ACTA2: variants seen among roughly 807,000 people sequenced by gnomAD.
ACTA2 encodes the protein actin alpha 2, smooth muscle, also known as actin, aortic smooth muscle.
In ACTA2, 12 loss-of-function variants were observed where a neutral mutation model predicts 39.5. The ratio of observed to expected loss-of-function variants is 0.30; its 90% confidence interval spans 0.19 to 0.49. The LOEUF (loss-of-function observed/expected upper bound fraction) is 0.49. Ranked by LOEUF, ACTA2 falls within the 20% of genes least tolerant of loss-of-function variation. ACTA2 has a pLI of 0.99. For synonymous variants in ACTA2, 158 were observed against 180.6 expected (o/e 0.88, Z 1.00); for missense variants, 236 against 498.8 (o/e 0.47, Z 5.02).
chr10:88,972,680 A>G (rs1846475184), intron 1 of ACTA2, among the ~76,000 whole-genome samples: 1 of 152,204 alleles, frequency 6.6e-6, no homozygotes, highest in African/African-American at 2.4e-5. Flanking sequence ...CTTCATGGAA[A>G]TTACTGTAAC....
At chr10:88,976,067 A>T (rs1282171396) in intron 1 of ACTA2, among the ~76,000 whole-genome samples, 2 of 152,222 alleles carry the variant, frequency 1.3e-5, no homozygotes, top group African/African-American at 4.8e-5. Context: ...CATTACTATT[A>T]TCAATTAGTT....
In ACTA2 at chr10:88,990,744, G is replaced by T. The variant is rs1847122132; in HGVS notation, c.-24+195C>A. The T allele has an allele frequency of 1.9e-6, 2 of 1,065,440 alleles. No individual in the cohort carries two copies. Among genetic ancestry groups the T allele is most frequent in the Admixed American group, 1.9e-5 (1 of 53,868 alleles). The allele number at this position is 1,065,440 out of a possible 1,614,324, so 66.0% of individuals were successfully genotyped here. A position where few individuals can be genotyped will look rare whatever the true frequency, so the allele number is the denominator to read the frequency against. Reference sequence around the variant, plus strand: ...GACTTGGCTGGAGCCTCAGGGGCGGGCACTGGCACGGAACACACCCTGAGG... The same window carrying T: ...GACTTGGCTGGAGCCTCAGGGGCGGTCACTGGCACGGAACACACCCTGAGG... On this transcript the variant is annotated intron_variant, in intron 1 of 4. Coordinates refer to the ACTA2 transcript ENST00000415557. The surrounding 1 kb of genome is among the most constrained non-coding windows in gnomAD (Gnocchi z 4.9).
chr10:88,954,444 T>C (rs1229630588), upstream of ACTA2, among the ~76,000 whole-genome samples: 1 of 152,198 alleles, frequency 6.6e-6, no homozygotes, highest in Non-Finnish European at 1.5e-5. Flanking sequence ...AATTCATTAA[T>C]TTTCATCACA....
chr10:88,987,006 A>C (rs1002829650), intron 1 of ACTA2, among the ~76,000 whole-genome samples: 9 of 152,190 alleles, frequency 5.9e-5, no homozygotes, highest in African/African-American at 2.2e-4. Flanking sequence ...TGTCTATATG[A>C]TTAGATTCAC....
chr10:88,951,827 A>T (rs545500207), intron 1 of ACTA2, among the ~76,000 whole-genome samples: 19 of 152,360 alleles, frequency 1.2e-4, no homozygotes, highest in Admixed American at 6.5e-4. Context: ...AACCATATTT[A>T]GTCATGAAAC....
At chr10:88,973,296 C>A (rs776167705) in intron 1 of ACTA2, 19 of 1,611,264 alleles carry the variant, frequency 1.2e-5, no homozygotes, top group Non-Finnish European at 1.5e-5. Context: ...GTCATCATCA[C>A]CATCTGAACA....
chr10:88,987,471 T>C (rs1341461211), intron 1 of ACTA2, among the ~76,000 whole-genome samples: 1 of 152,106 alleles, frequency 6.6e-6, no homozygotes, highest in African/African-American at 2.4e-5. Context: ...TCAGCATGGT[T>C]TCCTCTCAGT....
At chr10:88,976,956 C>T (rs544298873) in intron 1 of ACTA2, among the ~76,000 whole-genome samples, 1 of 152,214 alleles carries the variant, frequency 6.6e-6, no homozygotes, top group South Asian at 2.1e-4. Flanking sequence ...TAATTTTTGC[C>T]CACATTCCCC....
chr10:88,984,955 C>T (rs897329024), intron 1 of ACTA2, among the ~76,000 whole-genome samples: 2 of 152,098 alleles, frequency 1.3e-5, no homozygotes, highest in South Asian at 2.1e-4. Context: ...GCTCTCTAGC[C>T]TAGTGAGGAG....
chr10:88,969,302 C>CA (rs947114557), intron 1 of ACTA2, among the ~76,000 whole-genome samples: 9 of 151,540 alleles, frequency 5.9e-5, no homozygotes, highest in Admixed American at 2.0e-4. Flanking sequence ...AATTTTCCAT[C>CA]AAAAAAAAAT....
At chr10:88,955,085 T>C (rs969355372), upstream of ACTA2, among the ~76,000 whole-genome samples, 9 of 150,478 alleles carry the variant, frequency 6.0e-5, no homozygotes, top group African/African-American at 2.2e-4. Context: ...TTGGTTGCAG[T>C]TCAGGGACAC....
intron 1 of ACTA2, among the ~76,000 whole-genome samples, chr10:88,952,091 T>C (rs1846060298): frequency 6.6e-6 from 1 of 152,214 alleles, no homozygotes; most frequent in Non-Finnish European, 1.5e-5. Context: ...GGTCACCTGC[T>C]GCGCTCTGCT....
chr10:88,946,186 C>T (rs934899790), intron 3 of ACTA2, among the ~76,000 whole-genome samples: 6 of 151,668 alleles, frequency 4.0e-5, no homozygotes, highest in East Asian at 1.9e-4. Flanking sequence ...ACTGCAGCTT[C>T]GAACTCCTGG....
At chr10:88,941,499 TA>T (rs1039495261) in intron 5 of ACTA2, 109 bp from the exon 6 acceptor site, 17 of 1,427,116 alleles carry the variant, frequency 1.2e-5, no homozygotes, top group Non-Finnish European at 1.7e-5. Flanking sequence ...GCCTCTTATT[TA>T]AAAAGAGAAA....
chr10:88,975,866 T>C (rs528887539), intron 1 of ACTA2, among the ~76,000 whole-genome samples: 1 of 152,320 alleles, frequency 6.6e-6, no homozygotes, highest in East Asian at 1.9e-4. Flanking sequence ...ACTATCAGTA[T>C]ACAGTACTAC....
At chr10:88,957,640 T>C (rs1846158651), upstream of ACTA2, among the ~76,000 whole-genome samples, 1 of 152,214 alleles carries the variant, frequency 6.6e-6, no homozygotes, top group African/African-American at 2.4e-5. Context: ...GCTGCTCCTC[T>C]GCCTGAAACA....
chr10:88,965,620 C>T (rs990063318), intron 1 of ACTA2, among the ~76,000 whole-genome samples: 3 of 151,966 alleles, frequency 2.0e-5, no homozygotes, highest in East Asian at 3.9e-4. Context: ...CAGAGGTCCT[C>T]GGGCAAACAG....
upstream of ACTA2, chr10:88,952,806 C>G (rs1258066082): frequency 2.0e-5 from 3 of 152,448 alleles, no homozygotes; most frequent in Non-Finnish European, 4.4e-5. Flanking sequence ...TTATATAGCC[C>G]CTTGGCCTGC....
intron 3 of ACTA2, 159 bp downstream of exon 3, chr10:88,947,099 T>C (rs1452956156): frequency 2.8e-6 from 3 of 1,064,078 alleles, no homozygotes; most frequent in Non-Finnish European, 4.1e-6. Context: ...ACAAGGATTT[T>C]TTTTTCAATG....
Sources: gnomAD v4.1 joint callset for allele counts (sites outside exome capture counted in the v4.1 genomes callset) on GRCh38, gnomAD v4.1.1 for gene constraint, Gnocchi (gnomAD v3.1) non-coding constraint, MANE v1.5 for transcripts, NCBI Gene and HGNC (gene_info 2026-07-23, HGNC 2026-07-21) for gene names.